Variants in ETNK2 observed in about 807,000 individuals in gnomAD.
The protein encoded by ETNK2 is ethanolamine kinase-like protein.
A neutral mutation model predicts 46.2 loss-of-function variants in ETNK2; 33 were observed. That is an observed-to-expected ratio of 0.71 (90% CI 0.54 to 0.96). The LOEUF is 0.96. ETNK2 is among the 40% of genes least tolerant of loss of function. ETNK2 has a pLI of 0.00. For synonymous variants in ETNK2, 194 were observed against 209.0 expected, an observed-to-expected ratio of 0.93 and a Z score of 0.62; for missense variants, 445 against 509.7, an observed-to-expected ratio of 0.87 and a Z score of 1.22.
At chr1:204,144,839 T>G (rs1169571068) in intron 3 of ETNK2, among the ~76,000 whole-genome samples, 1 of 152,140 alleles carries the variant, frequency 6.6e-6, no homozygotes, top group African/African-American at 2.4e-5. Context: ...CCTGCTTATT[T>G]CTGCCATGCC....
chr1:204,146,328 A>G (rs1657777590), intron 3 of ETNK2, among the ~76,000 whole-genome samples: 1 of 152,184 alleles, frequency 6.6e-6, no homozygotes, highest in African/African-American at 2.4e-5. Flanking sequence ...GGCCAAGCTC[A>G]GTCTCTGAGC....
Position 204,148,824 on chromosome 1 carries a change from C to G in ETNK2, c.518+879G>C, listed in dbSNP as rs767120377. On this transcript the variant is annotated intron_variant, in intron 2 of 7. Coordinates refer to ENST00000367202, the MANE Select transcript of ETNK2 (RefSeq NM_018208.4). ...CTTGTTTCCCCTCAGTATGCAAGCC[C>G]TCCTTCCCCTTGGATTAGCCTGGGC... 5.6e-4 allele frequency among the ~76,000 whole-genome samples: 85 copies of G among 152,200 alleles called. 2 individuals carry two copies. Among genetic ancestry groups the G allele is most frequent in the Non-Finnish European group, 7.3e-4 (50 of 68,036 alleles).
At chr1:204,136,803 C>T (rs543607518) in intron 6 of ETNK2, among the ~76,000 whole-genome samples, 1 of 151,924 alleles carries the variant, frequency 6.6e-6, no homozygotes, top group Admixed American at 6.6e-5. Flanking sequence ...GAAAGAACTA[C>T]TTATTCAAAC....
chr1:204,141,309 C>A lies in ETNK2; in HGVS notation c.784+6G>T, dbSNP rs1657522854. 1 of 1,614,032 alleles carries A rather than the reference C, an allele frequency of 6.2e-7. No individual in the cohort carries two copies. The highest frequency in any genetic ancestry group is 8.5e-7 in the Non-Finnish European group (1 of 1,179,890). ...TGCTGCTGCCCCAGGGCCAGAGAAG[C>A]CATACCTTTGATGCTGTCATAGATG... On this transcript the variant is annotated splice_donor_region_variant and intron_variant, in intron 4 of 7. Transcript: ENST00000367202.
At chr1:204,132,282 G>A (rs1657105735) in intron 7 of ETNK2, 26 bp from the exon 8 acceptor site, 4 of 1,555,462 alleles carry the variant, frequency 2.6e-6, no homozygotes, top group Non-Finnish European at 3.5e-6. Context: ...AAGGAAGCTG[G>A]GTGTGAGGAA....
At chr1:204,135,544 TC>T (rs1289712125) in intron 6 of ETNK2, among the ~76,000 whole-genome samples, 3 of 152,142 alleles carry the variant, frequency 2.0e-5, no homozygotes, top group Non-Finnish European at 4.4e-5. Flanking sequence ...GGCTCTCCCA[TC>T]CCATTCCCAC....
At chr1:204,149,679 C>T (rs1205275233) in intron 2 of ETNK2, 24 bp downstream of exon 2, 2 of 1,555,370 alleles carry the variant, frequency 1.3e-6, no homozygotes, top group African/African-American at 2.7e-5. Context: ...ATAGTAGAGA[C>T]AGAGGCCCTG....
Position 204,151,125 on chromosome 1 carries a change from C to T in ETNK2, c.258+470G>A. On this transcript the variant is annotated intron_variant, in intron 1 of 7. Coordinates refer to ENST00000367202, the MANE Select transcript of ETNK2 (RefSeq NM_018208.4). The surrounding 1 kb of genome is among the most constrained non-coding windows in gnomAD (Gnocchi z 8.0). ...GAATTCCACAGGGTGGCTCCTGGGA[C>T]CCACAGGGGCAGCTCAGAGCCTGGA... is the stretch of plus-strand genomic sequence containing the variant. The T allele has an allele frequency of 4.8e-6, 1 of 208,308 alleles. No individual in the cohort carries two copies. Among genetic ancestry groups the T allele is most frequent in the Non-Finnish European group, 9.6e-6 (1 of 104,452 alleles). 12.9% of individuals were successfully genotyped at this position (208,308 alleles called of 1,614,324 possible).
intron 7 of ETNK2, among the ~76,000 whole-genome samples, 159 bp downstream of exon 7, chr1:204,134,356 G>A (rs1180088764): frequency 6.6e-6 from 1 of 152,174 alleles, no homozygotes; most frequent in Non-Finnish European, 1.5e-5. Flanking sequence ...GCATCCCCTG[G>A]GGATAGTGGC....
chr1:204,149,846 C>A lies in ETNK2; in HGVS notation c.375G>T (p.Glu125Asp), dbSNP rs1345596718. Residue 125 changes from glutamate (E) to aspartate (D), a missense_variant, in exon 2 of 8, where the codon GAG becomes GAT. Transcript: ENST00000367202. Reference protein sequence around the residue: ...GERTELLVDRENEVRNFQLLR... With the variant: ...GERTELLVDRDNEVRNFQLLR... ...GCAGCTGGAAGTTTCTGACCTCATT[C>A]TCCCGGTCCACCAGCAGCTCCGTCC... 1 of 1,603,690 alleles carries A rather than the reference C, an allele frequency of 6.2e-7. No homozygotes were observed. The highest frequency in any genetic ancestry group is 8.5e-7 in the Non-Finnish European group (1 of 1,175,372).
At chr1:204,144,609 G>A (rs1262602173) in intron 3 of ETNK2, among the ~76,000 whole-genome samples, 1 of 152,066 alleles carries the variant, frequency 6.6e-6, no homozygotes, top group Non-Finnish European at 1.5e-5. Context: ...CTGAATCTCT[G>A]ACTCAAACAT....
intron 7 of ETNK2, 24 bp downstream of exon 7, chr1:204,134,491 T>A: frequency 1.2e-6 from 2 of 1,611,890 alleles, no homozygotes; most frequent in Non-Finnish European, 1.7e-6. Flanking sequence ...TTTCTCCACG[T>A]CCCACCATCA....
Position 204,132,228 on chromosome 1 carries a change from A to C in ETNK2, c.1117T>G (p.Phe373Val). 6.4e-7 allele frequency: 1 copy of C among 1,572,836 alleles called. No individual in the cohort carries two copies. Among genetic ancestry groups the C allele is most frequent in the Non-Finnish European group, 8.6e-7 (1 of 1,158,750 alleles). ...RYAVIRFNQY[F>V]KVKPQASALE... ...GCTGACGCTTGAGGCTTCACCTTGA[A>C]GTACTGGTTGAATCGGATCACTGCG... The change falls in exon 8 of 8, where the codon TTC (phenylalanine) becomes GTC (valine). Residue 373 changes from phenylalanine to valine, a missense_variant. Transcript: ENST00000367202.
At chr1:204,133,270 C>T (rs1375731606) in intron 7 of ETNK2, among the ~76,000 whole-genome samples, 8 of 152,006 alleles carry the variant, frequency 5.3e-5, no homozygotes, top group Admixed American at 2.6e-4. Flanking sequence ...GGCTACCCAC[C>T]GAGAAATGAG....
At chr1:204,143,461 C>A (rs940239064) in intron 3 of ETNK2, among the ~76,000 whole-genome samples, 2 of 152,090 alleles carry the variant, frequency 1.3e-5, no homozygotes, top group Middle Eastern at 3.2e-3. Flanking sequence ...TGCTTCCCTC[C>A]CCTGAGCACT....
chr1:204,151,606 C>T lies in ETNK2; in HGVS notation c.247G>A (p.Val83Ile). Residue 83 changes from valine (V) to isoleucine (I), a missense_variant, in exon 1 of 8, where the codon GTT becomes ATT. By Grantham distance (29) the Val-to-Ile change is conservative. Coordinates refer to ENST00000367202, the MANE Select transcript of ETNK2 (RefSeq NM_018208.4). The surrounding 1 kb of genome is among the most constrained non-coding windows in gnomAD (Gnocchi z 8.0). ...GCCCACTCCGCTACCTTGGTCCGAA[C>T]TTGCTCGGGTTTCCAATGCGGCCGC... ...ELRPHWKPEQ[V>I]RTKRFTDGIT... is the part of the protein sequence containing the mutation. The T allele has an allele frequency of 6.5e-7, 1 of 1,548,650 alleles. No homozygotes were observed. The highest frequency in any genetic ancestry group is 8.7e-7 in the Non-Finnish European group (1 of 1,146,022).
chr1:204,143,477 C>T (rs1423397765), intron 3 of ETNK2, among the ~76,000 whole-genome samples: 5 of 150,122 alleles, frequency 3.3e-5, no homozygotes, highest in Non-Finnish European at 7.4e-5. Context: ...GCACTTGAAA[C>T]ATCGCCAGCT....
At chr1:204,138,721 A>G (rs1392824727) in intron 5 of ETNK2, 2 of 152,198 alleles carry the variant, frequency 1.3e-5, no homozygotes, top group Non-Finnish European at 2.9e-5. Context: ...GCCTGGCCCC[A>G]TCATGTGAAC....
rs1270261766 is a variant in ETNK2 at position 204,151,885 on chromosome 1, A to T, written c.-33T>A. ...AGCCCCACCCCCTCGGAGCCGCGGC[A>T]GACGCTAGCCCCGGCGGGGGGGTCC... On this transcript the variant is annotated 5_prime_UTR_variant, in exon 1 of 8. Transcript: ENST00000367202. The surrounding 1 kb of genome is among the most constrained non-coding windows in gnomAD (Gnocchi z 8.0). 3 of 1,415,332 alleles carry T rather than the reference A, an allele frequency of 2.1e-6. No individual in the cohort carries two copies. The East Asian group carries it at 8.6e-5, about 40-fold the overall frequency. 87.7% of individuals were successfully genotyped at this position (1,415,332 alleles called of 1,614,324 possible). A position where few individuals can be genotyped will look rare whatever the true frequency, so the allele number is the denominator to read the frequency against.
Sources: gnomAD v4.1 joint callset for allele counts (sites outside exome capture counted in the v4.1 genomes callset) on GRCh38, gnomAD v4.1.1 for gene constraint, Gnocchi (gnomAD v3.1) non-coding constraint, MANE v1.5 for transcripts, NCBI Gene and HGNC (gene_info 2026-07-23, HGNC 2026-07-21) for gene names.